MSH4: variants seen among roughly 807,000 people sequenced by gnomAD.
MSH4 encodes the protein mutS protein homolog 4.
Under a neutral mutation model 113.7 loss-of-function variants are expected in MSH4, and 106 were observed. That is an observed-to-expected ratio of 0.93 (90% CI 0.80 to 1.10). The LOEUF (loss-of-function observed/expected upper bound fraction) is 1.10, where lower values mean the gene tolerates loss of function less well. Among genes scored for constraint, MSH4 ranks in the 50% least tolerant of loss-of-function variants. The pLI is 0.00. For synonymous variants in MSH4, 368 were observed against 380.2 expected, an observed-to-expected ratio of 0.97 and a Z score of 0.37; for missense variants, 1,061 against 1,093.7, an observed-to-expected ratio of 0.97 and a Z score of 0.42.
At chr1:75,906,984 C>A (rs1652673482) in intron 19 of MSH4, among the ~76,000 whole-genome samples, 1 of 151,990 alleles carries the variant, frequency 6.6e-6, no homozygotes, top group African/African-American at 2.4e-5. Flanking sequence ...CAGGCGCCCA[C>A]CACCACGCCC....
rs562753643 is a variant in MSH4, at chr1:75,880,002, A to T, written c.1678-48A>T. On this transcript the variant is annotated intron_variant, in intron 12 of 19. Coordinates refer to ENST00000263187, the MANE Select transcript of MSH4 (RefSeq NM_002440.4). ...TCTGTTGTTTAAAATCTTACATTTC[A>T]TAGTAGTGTGCATTTATCTTGACAT... 5.7e-6 allele frequency: 5 copies of T among 883,488 alleles called. No individual in the cohort carries two copies. In the East Asian group the frequency reaches 9.8e-5, roughly 17 times the overall value. The allele number at this position is 883,488 out of a possible 1,614,324, so 54.7% of individuals were successfully genotyped here. A position where few individuals can be genotyped will look rare whatever the true frequency, so the allele number is the denominator to read the frequency against.
At chr1:75,874,869 A>G (rs1366514672) in intron 9 of MSH4, among the ~76,000 whole-genome samples, 1 of 152,044 alleles carries the variant, frequency 6.6e-6, no homozygotes, top group Non-Finnish European at 1.5e-5. Flanking sequence ...AGTAAGCTGG[A>G]AGAACTGGGT....
In MSH4 at chr1:75,797,122, A is replaced by G. The variant is rs536534719; in HGVS notation, c.137A>G (p.Gln46Arg). ...QETPQSRPSVQVVSASTCPGT... is the reference protein window; with the variant it reads ...QETPQSRPSVRVVSASTCPGT... ...ACTCCACAGAGCCGCCCTTCGGTCC[A>G]GGTGGTCTCTGCATCCACCTGTCCT... is the stretch of plus-strand genomic sequence containing the variant. Residue 46 changes from glutamine to arginine, a missense_variant, in exon 1 of 20, where the codon CAG becomes CGG. Transcript: ENST00000263187. 3.1e-6 allele frequency: 5 copies of G among 1,613,974 alleles called. No individual in the cohort carries two copies. The African/African-American group carries it at 4.0e-5, about 13-fold the overall frequency.
At chr1:75,891,104 A>C (rs1652243221) in intron 17 of MSH4, among the ~76,000 whole-genome samples, 1 of 152,152 alleles carries the variant, frequency 6.6e-6, no homozygotes. Context: ...CAAAATATGA[A>C]GGTCTTTCAG....
chr1:75,850,553 CT>C (rs1186432828), intron 8 of MSH4, among the ~76,000 whole-genome samples: 9 of 151,884 alleles, frequency 5.9e-5, no homozygotes, highest in Admixed American at 3.9e-4. Flanking sequence ...GCTTTATTGA[CT>C]TTTTTTATGG....
intron 15 of MSH4, among the ~76,000 whole-genome samples, chr1:75,885,505 T>TAC (rs1652058236): frequency 7.9e-6 from 1 of 126,434 alleles, no homozygotes; most frequent in African/African-American, 2.9e-5. Flanking sequence ...CATATATATA[T>TAC]ACATATAACC....
intron 2 of MSH4, among the ~76,000 whole-genome samples, chr1:75,805,067 C>T (rs1223304036): frequency 6.6e-6 from 1 of 151,930 alleles, no homozygotes; most frequent in Non-Finnish European, 1.5e-5. Context: ...CCTCATGATC[C>T]GCCCACCTTG....
At chr1:75,833,463 A>G (rs945081998) in intron 7 of MSH4, among the ~76,000 whole-genome samples, 4 of 152,202 alleles carry the variant, frequency 2.6e-5, no homozygotes, top group African/African-American at 9.6e-5. Flanking sequence ...ACCAAAAAAG[A>G]GCTCGCATTA....
intron 9 of MSH4, 149 bp downstream of exon 9, chr1:75,867,737 C>G: frequency 1.7e-6 from 1 of 588,832 alleles, no homozygotes; most frequent in Non-Finnish European, 3.0e-6. Context: ...CATACACATA[C>G]ACATTGTTAG....
intron 4 of MSH4, among the ~76,000 whole-genome samples, chr1:75,814,578 G>A (rs1650257064): frequency 6.6e-6 from 1 of 152,088 alleles, no homozygotes; most frequent in African/African-American, 2.4e-5. Context: ...GGCATTATAA[G>A]AATCTACCCT....
intron 15 of MSH4, among the ~76,000 whole-genome samples, chr1:75,885,017 G>GTA (rs368190243): frequency 5.8e-4 from 79 of 135,514 alleles, no homozygotes; most frequent in South Asian, 2.5e-3. Context: ...GTGTATGTGT[G>GTA]TATATATATA....
chr1:75,887,298 T>C (rs35970385), intron 15 of MSH4, among the ~76,000 whole-genome samples: 7,151 of 152,244 alleles, frequency 0.047, 207 homozygotes, highest in African/African-American at 0.064. Flanking sequence ...TGCTCGCATA[T>C]GAGGACGGTC....
intron 2 of MSH4, among the ~76,000 whole-genome samples, chr1:75,806,214 T>A (rs1254619270): frequency 6.7e-6 from 1 of 148,508 alleles, no homozygotes; most frequent in African/African-American, 2.5e-5. Context: ...GTAATAAATA[T>A]TTTGATGACT....
chr1:75,842,595 C>G (rs1650983058), intron 7 of MSH4, among the ~76,000 whole-genome samples: 1 of 152,030 alleles, frequency 6.6e-6, no homozygotes, highest in South Asian at 2.1e-4. Context: ...TAGGAAAAAC[C>G]AGGCCATACA....
At position 75,822,524 on chromosome 1, in the gene MSH4, T is replaced by G. The variant is rs1650444293; in HGVS notation, c.1105T>G (p.Leu369Val). Residue 369 changes from leucine (L) to valine (V), a missense_variant, in exon 7 of 20, where the codon TTA becomes GTA. By Grantham distance (32) the Leu-to-Val change is conservative. Transcript: ENST00000263187. ...TGATATTGAAACCATTAACATGAGA[T>G]TAGATTGTGTTCAAGAACTACTTCA... ...LVDIETINMR[L>V]DCVQELLQDE... 1 of 1,576,524 alleles carries G rather than the reference T, an allele frequency of 6.3e-7. No individual in the cohort carries two copies. Among genetic ancestry groups the G allele is most frequent in the Non-Finnish European group, 8.6e-7 (1 of 1,166,678 alleles).
chr1:75,883,567 T>C, intron 14 of MSH4, 54 bp from the exon 15 acceptor site: 1 of 1,421,656 alleles, frequency 7.0e-7, no homozygotes, highest in Non-Finnish European at 9.6e-7. Context: ...CACTACAAAA[T>C]CTTTAGACAC....
chr1:75,890,867 A>G, intron 17 of MSH4, 43 bp downstream of exon 17: 2 of 1,407,668 alleles, frequency 1.4e-6, no homozygotes, highest in Non-Finnish European at 2.0e-6. Context: ...GTCCTTCTTT[A>G]TGTATCCTTT....
At chr1:75,880,400 T>C (rs1651905683) in intron 13 of MSH4, among the ~76,000 whole-genome samples, 1 of 152,124 alleles carries the variant, frequency 6.6e-6, no homozygotes, top group Admixed American at 6.6e-5. Flanking sequence ...ATGTAGAACT[T>C]GGCACATCAG....
chr1:75,902,260 G>C (rs563161172), intron 19 of MSH4, among the ~76,000 whole-genome samples: 1 of 151,934 alleles, frequency 6.6e-6, no homozygotes, highest in South Asian at 2.1e-4. Context: ...TTGTTACATA[G>C]GTATATTGCA....
Sources: gnomAD v4.1 joint callset for allele counts (sites outside exome capture counted in the v4.1 genomes callset) on GRCh38, gnomAD v4.1.1 for gene constraint, MANE v1.5 for transcripts, NCBI Gene and HGNC (gene_info 2026-07-23, HGNC 2026-07-21) for gene names.